AP2B1: variants seen among roughly 807,000 people sequenced by gnomAD.
AP2B1 encodes the protein adaptor related protein complex 2 subunit beta 1, also known as AP-2 complex subunit beta.
A neutral mutation model predicts 102.0 loss-of-function variants in AP2B1; 23 were observed. That is an observed-to-expected ratio of 0.23 (90% CI 0.16 to 0.32). The LOEUF is 0.32. AP2B1 is among the 10% of genes least tolerant of loss of function. AP2B1 has a pLI of 1.00. For missense variants in AP2B1, 541 were observed against 1,157.4 expected (o/e 0.47, Z 7.73); for synonymous variants, 381 against 421.2 (o/e 0.90, Z 1.17).
intron 14 of AP2B1, among the ~76,000 whole-genome samples, chr17:35,665,716 A>G (rs2075450978): frequency 1.3e-5 from 2 of 152,236 alleles, no homozygotes; most frequent in African/African-American, 4.8e-5. Context: ...TAAGTTCTAG[A>G]AAACAGTAAA....
intron 14 of AP2B1, among the ~76,000 whole-genome samples, chr17:35,659,106 GTATAGCCTCCT>G (rs1219669843): frequency 6.6e-6 from 1 of 152,150 alleles, no homozygotes; most frequent in Non-Finnish European, 1.5e-5. Context: ...TTATATTGCT[GTATAGCCTCCT>G]TATAGACTCC....
At chr17:35,691,525 G>C (rs1567995400) in intron 18 of AP2B1, among the ~76,000 whole-genome samples, 1 of 152,210 alleles carries the variant, frequency 6.6e-6, no homozygotes, top group Non-Finnish European at 1.5e-5. Context: ...ACCAGTCAGT[G>C]TTGAAGCCTT....
chr17:35,723,702 A>G lies in AP2B1; in HGVS notation c.*3A>G. 2 of 1,595,450 alleles carry G rather than the reference A, an allele frequency of 1.3e-6. No homozygotes were observed. Among genetic ancestry groups the G allele is most frequent in the African/African-American group, 1.3e-5 (1 of 74,642 alleles). On this transcript the variant is annotated 3_prime_UTR_variant, in exon 22 of 22. Coordinates refer to ENST00000610402, the MANE Select transcript of AP2B1 (RefSeq NM_001030006.2). ...ACGACAGCATTTTGAAAAACTAACAAGACTGGTCCAGTACCCTTCAACCAT... is the reference window on the plus strand; with the variant it reads ...ACGACAGCATTTTGAAAAACTAACAGGACTGGTCCAGTACCCTTCAACCAT...
Position 35,608,718 on chromosome 17 carries a change from T to A in AP2B1, c.525+331T>A, listed in dbSNP as rs554538375. Among the ~76,000 whole-genome samples the A allele has an allele frequency of 3.3e-5, 5 of 152,328 alleles. No individual in the cohort carries two copies. The South Asian group carries it at 8.3e-4, about 25-fold the overall frequency. ...TTTAAGATTATTTTCTTCAGATCAA[T>A]ATTTGTGGTATTTTCTGGTGGTGTG... On this transcript the variant is annotated intron_variant, in intron 5 of 21. Coordinates refer to ENST00000610402, the MANE Select transcript of AP2B1 (RefSeq NM_001030006.2).
chr17:35,674,411 C>T (rs1013962044), intron 17 of AP2B1, 90 bp downstream of exon 17: 7 of 1,484,272 alleles, frequency 4.7e-6, no homozygotes, highest in Non-Finnish European at 4.6e-6. Flanking sequence ...TGGTTAAAAA[C>T]TCACATATTG....
rs1045157954 is a variant in AP2B1, at chr17:35,624,294, T to G, written c.526-103T>G. The G allele has an allele frequency of 2.9e-6, 3 of 1,041,828 alleles. No individual in the cohort carries two copies. The African/African-American group carries it at 4.8e-5, about 17-fold the overall frequency. 64.5% of individuals were successfully genotyped at this position (1,041,828 alleles called of 1,614,324 possible). ...ACTAGGTAAAATGTTCAGGAATGGTTATGAATTGAGATCCGTGAAATGACC... is the reference window on the plus strand; with the variant it reads ...ACTAGGTAAAATGTTCAGGAATGGTGATGAATTGAGATCCGTGAAATGACC... On this transcript the variant is annotated intron_variant, in intron 5 of 21. Transcript: ENST00000610402.
In AP2B1 at chr17:35,726,213, C is replaced by G. The variant is rs2085513934; in HGVS notation, c.*2514C>G. 1 of 151,950 alleles carries G rather than the reference C, an allele frequency of 6.6e-6. No individual in the cohort carries two copies. The allele number at this position is 151,950 out of a possible 1,614,324, so 9.4% of individuals were successfully genotyped here. A position where few individuals can be genotyped will look rare whatever the true frequency, so the allele number is the denominator to read the frequency against. On this transcript the variant is annotated 3_prime_UTR_variant, in exon 22 of 22. Coordinates refer to ENST00000610402, the MANE Select transcript of AP2B1 (RefSeq NM_001030006.2). ...TGCTGGTCAGAGATTCCCTGAGTGT[C>G]TGTCCTCACCCAAGCCTGCTCTGTG...
chr17:35,699,450 A>G (rs992209086), intron 18 of AP2B1, among the ~76,000 whole-genome samples: 1 of 152,224 alleles, frequency 6.6e-6, no homozygotes, highest in Non-Finnish European at 1.5e-5. Flanking sequence ...CTCAGGATGA[A>G]CAGCAGTTTG....
chr17:35,675,164 A>C (rs2075672929), intron 17 of AP2B1, among the ~76,000 whole-genome samples: 1 of 152,232 alleles, frequency 6.6e-6, no homozygotes, highest in African/African-American at 2.4e-5. Context: ...GAAGAAGTAA[A>C]ATGTTAATGT....
At chr17:35,596,973 G>A in intron 2 of AP2B1, 1 of 671,102 alleles carries the variant, frequency 1.5e-6, no homozygotes, top group Non-Finnish European at 2.8e-6. Context: ...GCTGTCTCGT[G>A]CGCCTTTCGG....
chr17:35,614,407 C>G (rs1459539823), intron 5 of AP2B1, among the ~76,000 whole-genome samples: 1 of 151,900 alleles, frequency 6.6e-6, no homozygotes, highest in Non-Finnish European at 1.5e-5. Flanking sequence ...CCAGGTTGGT[C>G]TCAATCTCCT....
rs761350585 is a variant in AP2B1, at chr17:35,657,640, C to T, written c.1838C>T (p.Thr613Met). The change falls in exon 14 of 22, where the codon ACG becomes ATG. Residue 613 changes from threonine to methionine, a missense_variant. Thr to Met is a moderately conservative substitution (Grantham distance 81, BLOSUM62 -1). Transcript: ENST00000610402. ...AGCCCTGTTGGCACTACCACTGCAA[C>T]GAACCTGGAACAGCCTCAGGTTATC... Reference protein sequence around the residue: ...GDSPVGTTTATNLEQPQVIPS... With the variant: ...GDSPVGTTTAMNLEQPQVIPS... 3.3e-5 allele frequency: 53 copies of T among 1,613,904 alleles called. No individual in the cohort carries two copies. Among genetic ancestry groups the T allele is most frequent in the Non-Finnish European group, 4.2e-5 (49 of 1,179,916 alleles).
intron 9 of AP2B1, among the ~76,000 whole-genome samples, chr17:35,634,227 A>G (rs1373028433): frequency 6.6e-6 from 1 of 152,230 alleles, no homozygotes; most frequent in African/African-American, 2.4e-5. Flanking sequence ...TGAAGAAACT[A>G]GGTCATTAGG....
At chr17:35,612,877 TGCGC>T (rs1027204050) in intron 5 of AP2B1, among the ~76,000 whole-genome samples, 21 of 71,894 alleles carry the variant, frequency 2.9e-4, no homozygotes, top group African/African-American at 1.2e-3. Flanking sequence ...AATGTGTATG[TGCGC>T]ACACACACAC....
intron 10 of AP2B1, among the ~76,000 whole-genome samples, chr17:35,637,520 C>A (rs9890191): frequency 2.0e-5 from 3 of 151,816 alleles, no homozygotes; most frequent in Non-Finnish European, 4.4e-5. Flanking sequence ...AATGAAGCAG[C>A]TTGTAGTAAG....
rs5820123 is a variant in AP2B1, at chr17:35,635,997, A to ATT, written c.1156-332_1156-331dup. Reference sequence around the variant, plus strand: ...TGCCATCACGCCTAGCCTTGGTAGTATTTTTTTTTTTTTAATCAAAAGCAG... The same window carrying ATT: ...TGCCATCACGCCTAGCCTTGGTAGTATTTTTTTTTTTTTTTAATCAAAAGCAG... On this transcript the variant is annotated intron_variant, in intron 9 of 21. Transcript: ENST00000610402. Among the ~76,000 whole-genome samples the ATT allele has an allele frequency of 3.3e-3, 484 of 148,144 alleles. 2 individuals are homozygous for ATT. The highest frequency in any genetic ancestry group is 7.3e-3 in the African/African-American group (293 of 40,348).
intron 11 of AP2B1, among the ~76,000 whole-genome samples, chr17:35,640,112 T>C (rs978329176): frequency 6.6e-5 from 10 of 152,186 alleles, no homozygotes; most frequent in African/African-American, 1.9e-4. Flanking sequence ...AGACAGGGTT[T>C]CACCATGTTG....
intron 14 of AP2B1, among the ~76,000 whole-genome samples, chr17:35,664,684 CTATT>C (rs1174328712): frequency 6.6e-6 from 1 of 152,172 alleles, no homozygotes; most frequent in Non-Finnish European, 1.5e-5. Context: ...TATTCAGGCT[CTATT>C]CTGTGTACTA....
intron 10 of AP2B1, among the ~76,000 whole-genome samples, chr17:35,639,173 A>T (rs1455420844): frequency 1.3e-5 from 2 of 152,120 alleles, no homozygotes; most frequent in African/African-American, 2.4e-5. Context: ...CTACAAAAAA[A>T]TTTTTAAAAT....
Sources: gnomAD v4.1 joint callset for allele counts (sites outside exome capture counted in the v4.1 genomes callset) on GRCh38, gnomAD v4.1.1 for gene constraint, MANE v1.5 for transcripts, NCBI Gene and HGNC (gene_info 2026-07-23, HGNC 2026-07-21) for gene names.